Variants in SYNE2 observed in about 807,000 individuals in gnomAD.
SYNE2 encodes nesprin-2.
SYNE2 carries 431 observed loss-of-function variants against 856.3 expected under a neutral mutation model. The observed-to-expected ratio is 0.50, with a 90% CI of 0.47 to 0.55. The LOEUF (loss-of-function observed/expected upper bound fraction) is 0.55. Ranked by LOEUF, SYNE2 falls within the 20% of genes least tolerant of loss-of-function variation. SYNE2 has a pLI of 0.00. For missense variants in SYNE2, 8,129 were observed against 8,023.2 expected, an observed-to-expected ratio of 1.01 and a Z score of -0.50; for synonymous variants, 2,923 against 2,872.3, an observed-to-expected ratio of 1.02 and a Z score of -0.56.
intron 1 of SYNE2, among the ~76,000 whole-genome samples, chr14:63,830,074 G>C (rs1375342737): frequency 6.6e-6 from 1 of 152,168 alleles, no homozygotes; most frequent in Non-Finnish European, 1.5e-5. Context: ...CATAGAACAA[G>C]ATGGGTGAAA....
intron 98 of SYNE2, 103 bp from the exon 99 acceptor site, chr14:64,189,964 ATTTT>A: frequency 3.2e-5 from 38 of 1,177,330 alleles, no homozygotes; most frequent in East Asian, 5.4e-5. Context: ...TGCCTGGCCA[ATTTT>A]TTTTTTTTTT....
intron 12 of SYNE2, among the ~76,000 whole-genome samples, chr14:63,977,327 C>T (rs533743936): frequency 1.3e-5 from 2 of 152,194 alleles, no homozygotes; most frequent in East Asian, 3.9e-4. Context: ...ATTCTCCTGC[C>T]TCAGCCTCCC....
intron 45 of SYNE2, among the ~76,000 whole-genome samples, chr14:64,043,901 A>G (rs2097167341): frequency 1.3e-5 from 2 of 152,196 alleles, no homozygotes; most frequent in African/African-American, 4.8e-5. Flanking sequence ...ACTGTCACCT[A>G]GCCTGGAGTG....
rs181922045 is a variant in SYNE2 at position 64,119,138 on chromosome 14, A to G, written c.12841-289A>G. Among the ~76,000 whole-genome samples, 176 of 152,292 alleles carry G rather than the reference A, an allele frequency of 1.2e-3. 2 individuals carry two copies. In the South Asian group the frequency reaches 0.021, roughly 18 times the overall value. On this transcript the variant is annotated intron_variant, in intron 66 of 115. Coordinates refer to ENST00000555002, the MANE Select transcript of SYNE2 (RefSeq NM_182914.3). ...AGTTCCAAGATCTGTGTTCTTAACC[A>G]CTATCCTCTGCTGGATACATTCTGC... is the stretch of plus-strand genomic sequence containing the variant.
chr14:64,133,213 AAAAG>A (rs1055037589), intron 77 of SYNE2, among the ~76,000 whole-genome samples: 4 of 152,156 alleles, frequency 2.6e-5, no homozygotes, highest in African/African-American at 7.2e-5. Flanking sequence ...CTCAAAAAAA[AAAAG>A]AAAAAAGGAA....
At chr14:63,989,406 T>C (rs964481921) in intron 19 of SYNE2, among the ~76,000 whole-genome samples, 1 of 152,134 alleles carries the variant, frequency 6.6e-6, no homozygotes, top group Non-Finnish European at 1.5e-5. Flanking sequence ...GGTGCAGTCT[T>C]GGCTCACTAC....
At chr14:63,877,572 A>G (rs2094754218) in intron 1 of SYNE2, among the ~76,000 whole-genome samples, 1 of 116,052 alleles carries the variant, frequency 8.6e-6, no homozygotes, top group South Asian at 2.7e-4. Flanking sequence ...TGTGATTGAA[A>G]TAGAATTATG....
chr14:63,896,251 A>T (rs2095250779), intron 1 of SYNE2, among the ~76,000 whole-genome samples: 1 of 152,236 alleles, frequency 6.6e-6, no homozygotes, highest in Non-Finnish European at 1.5e-5. Flanking sequence ...ACACTGGTTT[A>T]TGGGCTGTGT....
At chr14:63,909,259 A>C in intron 2 of SYNE2, 32 bp downstream of exon 2, 13 of 1,458,882 alleles carry the variant, frequency 8.9e-6, no homozygotes, top group East Asian at 2.3e-5. Context: ...TAACACCCAC[A>C]GAAACTGGGG....
intron 45 of SYNE2, among the ~76,000 whole-genome samples, chr14:64,043,572 G>A (rs1013670301): frequency 6.6e-6 from 1 of 152,168 alleles, no homozygotes; most frequent in African/African-American, 2.4e-5. Flanking sequence ...CGAGTGCCCT[G>A]TGTCTCAGCC....
intron 99 of SYNE2, chr14:64,197,170 T>A (rs1025147200): frequency 1.3e-5 from 2 of 152,420 alleles, no homozygotes; most frequent in African/African-American, 4.8e-5. Context: ...CCTTGTGTCT[T>A]GCTCTCTGGC....
At chr14:63,937,666 G>A (rs1273107792) in intron 2 of SYNE2, among the ~76,000 whole-genome samples, 1 of 152,186 alleles carries the variant, frequency 6.6e-6, no homozygotes, top group Non-Finnish European at 1.5e-5. Context: ...TGAGATTACT[G>A]GGCAGCTTTT....
intron 31 of SYNE2, 41 bp from the exon 32 acceptor site, chr14:64,009,925 A>G: frequency 1.3e-6 from 2 of 1,584,240 alleles, no homozygotes; most frequent in South Asian, 1.1e-5. Flanking sequence ...CGGTTTTGCT[A>G]TTTTTGGACA....
chr14:63,978,996 A>T lies in SYNE2; in HGVS notation c.1551A>T (p.Leu517Phe). ...IKYGSRESVE[L>F]LLEDWHKFIE... ...ATGGGAGCAGAGAATCTGTGGAATT[A>T]TTGCTGGAAGACTGGCATGTAAGCT... Residue 517 changes from leucine (L) to phenylalanine (F), a missense_variant, in exon 14 of 116, where the codon TTA (leucine) becomes TTT (phenylalanine). Leu to Phe is a conservative substitution (Grantham distance 22, BLOSUM62 0). Coordinates refer to ENST00000555002, the MANE Select transcript of SYNE2 (RefSeq NM_182914.3). 1 of 1,613,810 alleles carries T rather than the reference A, an allele frequency of 6.2e-7. No individual in the cohort carries two copies. The highest frequency in any genetic ancestry group is 8.5e-7 in the Non-Finnish European group (1 of 1,179,836).
intron 107 of SYNE2, 111 bp from the exon 108 acceptor site, chr14:64,216,137 C>T: frequency 6.3e-7 from 1 of 1,584,346 alleles, no homozygotes. Context: ...AACATGCATG[C>T]TTTGCAAGGA....
chr14:64,084,852 A>G, intron 57 of SYNE2: 1 of 661,762 alleles, frequency 1.5e-6, no homozygotes, highest in East Asian at 2.7e-5. Flanking sequence ...AGGTGTCGAC[A>G]AAGGCTGCAG....
At chr14:63,884,020 C>T (rs1211640258) in intron 1 of SYNE2, among the ~76,000 whole-genome samples, 1 of 152,078 alleles carries the variant, frequency 6.6e-6, no homozygotes, top group Non-Finnish European at 1.5e-5. Context: ...GAAGCGGGCC[C>T]TTGGTGTGGC....
At chr14:64,167,443 G>C (rs557840078) in intron 91 of SYNE2, 52 bp from the exon 92 acceptor site, 2 of 1,614,260 alleles carry the variant, frequency 1.2e-6, no homozygotes, top group South Asian at 1.1e-5. Context: ...AACGGCTTCA[G>C]CTCGGGAATG....
intron 34 of SYNE2, among the ~76,000 whole-genome samples, chr14:64,019,024 A>C (rs1455809424): frequency 1.3e-5 from 2 of 152,218 alleles, no homozygotes; most frequent in Non-Finnish European, 2.9e-5. Context: ...TAATCCCAGC[A>C]TTTTGGGAGG....
Sources: gnomAD v4.1 joint callset for allele counts (sites outside exome capture counted in the v4.1 genomes callset) on GRCh38, gnomAD v4.1.1 for gene constraint, MANE v1.5 for transcripts, NCBI Gene and HGNC (gene_info 2026-07-23, HGNC 2026-07-21) for gene names.